The following LRP1B variants were observed in gnomAD, a reference collection of about 807,000 sequenced individuals.
LRP1B encodes LDL receptor related protein 1B.
LRP1B carries 217 observed loss-of-function variants against 556.6 expected under a neutral mutation model. That is an observed-to-expected ratio of 0.39 (90% confidence interval 0.35 to 0.44). The LOEUF (loss-of-function observed/expected upper bound fraction) is 0.44. Among genes scored for constraint, LRP1B ranks in the 20% least tolerant of loss-of-function variants. The pLI, the probability that LRP1B is intolerant of heterozygous loss-of-function variation, is 1.00. For synonymous variants in LRP1B, 2,047 were observed against 1,865.8 expected (o/e 1.10, Z -2.50); for missense variants, 5,053 against 5,620.8 (o/e 0.90, Z 3.23).
chr2:140,372,987 A>G (rs1266281851), intron 69 of LRP1B, 21 bp downstream of exon 69: 8 of 1,611,474 alleles, frequency 5.0e-6, no homozygotes, highest in Admixed American at 3.3e-5. Context: ...ACTAAATGAT[A>G]TATTACTTCA....
chr2:141,256,130 G>A (rs1373169089), intron 3 of LRP1B, among the ~76,000 whole-genome samples: 2 of 151,960 alleles, frequency 1.3e-5, no homozygotes, highest in Admixed American at 6.6e-5. Context: ...CAAGTGGTAG[G>A]ATGTAGAAAG....
intron 2 of LRP1B, among the ~76,000 whole-genome samples, chr2:141,670,746 G>T (rs538796676): frequency 1.3e-5 from 2 of 152,252 alleles, no homozygotes; most frequent in East Asian, 3.9e-4. Flanking sequence ...CTTAACTTTG[G>T]AACTTTTGGC....
chr2:142,016,592 ACC>A (rs1703138251), intron 1 of LRP1B, among the ~76,000 whole-genome samples: 1 of 150,610 alleles, frequency 6.6e-6, no homozygotes, highest in African/African-American at 2.4e-5. Flanking sequence ...AAAACCAAAC[ACC>A]ACATGTTCTC....
At chr2:141,408,963 G>A (rs1178981253) in intron 3 of LRP1B, among the ~76,000 whole-genome samples, 2 of 152,068 alleles carry the variant, frequency 1.3e-5, no homozygotes, top group Non-Finnish European at 2.9e-5. Flanking sequence ...AAGCTGGATT[G>A]CAGCAAGTTC....
intron 18 of LRP1B, among the ~76,000 whole-genome samples, chr2:140,959,188 T>A (rs1695963299): frequency 6.6e-6 from 1 of 151,600 alleles, no homozygotes; most frequent in Non-Finnish European, 1.5e-5. Flanking sequence ...ATGCAACTTT[T>A]CCAGGAAATC....
chr2:141,619,087 A>C (rs1688411275), intron 2 of LRP1B, among the ~76,000 whole-genome samples: 1 of 152,180 alleles, frequency 6.6e-6, no homozygotes, highest in Admixed American at 6.5e-5. Context: ...CTACTGAGTT[A>C]GTGCTTCCTA....
chr2:140,676,019 CAT>C (rs1414626951), intron 41 of LRP1B, among the ~76,000 whole-genome samples: 2 of 151,928 alleles, frequency 1.3e-5, no homozygotes, highest in African/African-American at 4.8e-5. Context: ...TGAAAAATGT[CAT>C]AAGGAAATTT....
chr2:141,108,473 C>A (rs1406833408), intron 7 of LRP1B, among the ~76,000 whole-genome samples: 1 of 150,736 alleles, frequency 6.6e-6, no homozygotes, highest in South Asian at 2.1e-4. Context: ...TTCAGCTTCC[C>A]GAGTAGCTGG....
intron 3 of LRP1B, among the ~76,000 whole-genome samples, chr2:141,374,169 G>C (rs1433904637): frequency 1.3e-5 from 2 of 152,046 alleles, no homozygotes; most frequent in Non-Finnish European, 2.9e-5. Context: ...ATTTCCTTTA[G>C]TGTTTTTCTT....
intron 2 of LRP1B, among the ~76,000 whole-genome samples, chr2:141,787,032 G>T (rs1695451563): frequency 4.6e-5 from 7 of 151,644 alleles, no homozygotes. Context: ...ATATCCTTTT[G>T]TATTAAATTC....
intron 3 of LRP1B, among the ~76,000 whole-genome samples, chr2:141,452,408 A>G (rs1681454772): frequency 1.3e-5 from 2 of 152,270 alleles, no homozygotes; most frequent in South Asian, 4.1e-4. Flanking sequence ...TCTTGAAGAG[A>G]GAATAGAATA....
chr2:140,800,149 C>A (rs888983472), intron 32 of LRP1B, among the ~76,000 whole-genome samples: 1 of 152,000 alleles, frequency 6.6e-6, no homozygotes, highest in South Asian at 2.1e-4. Context: ...ATCGCAGGGA[C>A]AAAATACCAA....
Position 140,233,300 on chromosome 2 carries a change from A to G in LRP1B, c.13686T>C (p.Tyr4562=), listed in dbSNP as rs2104870950. ...AGPTNYSNPV[Y]AKLYMDGQNC... Reference sequence around the variant, plus strand: ...TTTGCCCATCCATATATAATTTTGCATATACCGGATTGGAGTAATTTGTTG... The same window carrying G: ...TTTGCCCATCCATATATAATTTTGCGTATACCGGATTGGAGTAATTTGTTG... Residue 4562 remains tyrosine (Y), a synonymous_variant, in exon 91 of 91, where the codon TAT becomes TAC. Transcript: ENST00000389484. 2 of 1,601,502 alleles carry G rather than the reference A, an allele frequency of 1.2e-6. No homozygotes were observed. The highest frequency in any genetic ancestry group is 2.3e-5 in the East Asian group (1 of 44,326).
At chr2:141,724,697 C>G (rs999484745) in intron 2 of LRP1B, among the ~76,000 whole-genome samples, 1 of 138,500 alleles carries the variant, frequency 7.2e-6, no homozygotes, top group Non-Finnish European at 1.6e-5. Context: ...TCATTTAAAC[C>G]ATTAAATGGT....
chr2:140,677,876 C>CAAAAAAAAAA (rs56656451), intron 41 of LRP1B, among the ~76,000 whole-genome samples: 1 of 75,274 alleles, frequency 1.3e-5, no homozygotes. Context: ...AACTATGTCT[C>CAAAAAAAAAA]AAAAAAAAAA....
At chr2:141,634,819 A>T (rs910025832) in intron 2 of LRP1B, among the ~76,000 whole-genome samples, 27 of 152,098 alleles carry the variant, frequency 1.8e-4, no homozygotes, top group African/African-American at 6.0e-4. Flanking sequence ...GTTATCCAGA[A>T]ACATTTGACT....
chr2:140,698,932 C>T (rs1334181332), intron 41 of LRP1B, among the ~76,000 whole-genome samples: 1 of 152,046 alleles, frequency 6.6e-6, no homozygotes, highest in South Asian at 2.1e-4. Context: ...TCCCAAATCA[C>T]ATGCATTAAT....
At chr2:141,640,100 C>T (rs6747694) in intron 2 of LRP1B, among the ~76,000 whole-genome samples, 84,570 of 151,924 alleles carry the variant, frequency 0.56, 23,906 homozygotes, top group African/African-American at 0.65. Flanking sequence ...ACATCAATAA[C>T]GAAAAACAGC....
rs566072437 is a variant in LRP1B, at chr2:140,483,790, G to A, written c.9425+1553C>T. 2.0e-4 allele frequency among the ~76,000 whole-genome samples: 30 copies of A among 151,306 alleles called. 1 individual carries two copies. In the East Asian group the frequency reaches 4.7e-3, roughly 24 times the overall value. On this transcript the variant is annotated intron_variant, in intron 59 of 90. Transcript: ENST00000389484. ...AAAGTAGCTGGGATTACAGGTGTGC[G>A]CCACCACGCCTGGCTAATTTTTGTA...
Sources: gnomAD v4.1 joint callset for allele counts (sites outside exome capture counted in the v4.1 genomes callset) on GRCh38, gnomAD v4.1.1 for gene constraint, MANE v1.5 for transcripts, NCBI Gene and HGNC (gene_info 2026-07-23, HGNC 2026-07-21) for gene names.